The following CTNNA2 variants were observed in gnomAD, a reference collection of about 807,000 sequenced individuals.
CTNNA2 encodes the protein catenin alpha-2.
Under a neutral mutation model 101.0 loss-of-function variants are expected in CTNNA2, and 42 were observed. That is an observed-to-expected ratio of 0.42 (90% CI 0.32 to 0.54). The LOEUF is 0.54. Ranked by LOEUF, CTNNA2 falls within the 20% of genes least tolerant of loss-of-function variation. The pLI is 0.14. For missense variants in CTNNA2, 871 were observed against 1,223.1 expected (o/e 0.71, Z 4.29); for synonymous variants, 450 against 456.4 (o/e 0.99, Z 0.18).
intron 2 of CTNNA2, among the ~76,000 whole-genome samples, chr2:79,715,931 T>G (rs1686066450): frequency 6.6e-6 from 1 of 152,108 alleles, no homozygotes; most frequent in South Asian, 2.1e-4. Context: ...AACGTATCAA[T>G]GCTGACAAAG....
intron 6 of CTNNA2, 35 bp downstream of exon 6, chr2:79,874,377 C>T (rs780202692): frequency 5.1e-6 from 8 of 1,582,648 alleles, no homozygotes; most frequent in East Asian, 2.3e-5. Context: ...GAGGGGTGGG[C>T]ACTGGTGTTG....
chr2:79,953,305 T>A (rs1689010597), intron 7 of CTNNA2, among the ~76,000 whole-genome samples: 1 of 152,190 alleles, frequency 6.6e-6, no homozygotes, highest in Non-Finnish European at 1.5e-5. Context: ...TGCATAATTT[T>A]CACTCCAAAA....
intron 4 of CTNNA2, among the ~76,000 whole-genome samples, chr2:79,429,311 C>T (rs1018456077): frequency 6.6e-6 from 1 of 151,876 alleles, no homozygotes; most frequent in African/African-American, 2.4e-5. Flanking sequence ...CTATTGCAAA[C>T]AATTCCTTAA....
intron 2 of CTNNA2, among the ~76,000 whole-genome samples, chr2:79,214,331 A>G (rs1405499769): frequency 6.6e-6 from 1 of 152,152 alleles, no homozygotes; most frequent in East Asian, 1.9e-4. Flanking sequence ...AGCATGTTTG[A>G]GATCTAGAAC....
At chr2:79,999,873 T>C (rs188646687) in intron 7 of CTNNA2, among the ~76,000 whole-genome samples, 128 of 152,300 alleles carry the variant, frequency 8.4e-4, no homozygotes, top group Middle Eastern at 6.8e-3. Flanking sequence ...AGGACACTTT[T>C]AGTCACTTAC....
Position 79,740,206 on chromosome 2 carries a change from A to G in CTNNA2, c.103-4181A>G, listed in dbSNP as rs988344639. Among the ~76,000 whole-genome samples, 6 of 152,142 alleles carry G rather than the reference A, an allele frequency of 3.9e-5. No individual in the cohort carries two copies. In the South Asian group the frequency reaches 1.2e-3, roughly 32 times the overall value. On this transcript the variant is annotated intron_variant, in intron 2 of 18. Transcript: ENST00000402739. Reference sequence around the variant, plus strand: ...ATAGGCCCCAGTGTGTGTTGTTCCCATCTTTGTGTCCATGTGTCTGAATCA... The same window carrying G: ...ATAGGCCCCAGTGTGTGTTGTTCCCGTCTTTGTGTCCATGTGTCTGAATCA...
chr2:79,510,456 T>C (rs1671511682), upstream of CTNNA2, among the ~76,000 whole-genome samples: 1 of 152,246 alleles, frequency 6.6e-6, no homozygotes, highest in South Asian at 2.1e-4. Flanking sequence ...TTTAGACTGT[T>C]ATCAGAGGGA....
At chr2:79,280,656 T>TG (rs1337075035) in intron 2 of CTNNA2, among the ~76,000 whole-genome samples, 1 of 96,632 alleles carries the variant, frequency 1.0e-5, no homozygotes, top group African/African-American at 4.3e-5. Flanking sequence ...TGTGTGTGTG[T>TG]AAGAGAAAGA....
intron 9 of CTNNA2, among the ~76,000 whole-genome samples, chr2:80,470,626 C>T (rs952217535): frequency 6.6e-6 from 1 of 152,076 alleles, no homozygotes; most frequent in Admixed American, 6.6e-5. Flanking sequence ...CATTCATTTA[C>T]CAAACATTCA....
chr2:80,576,728 C>A (rs896206833), intron 13 of CTNNA2, among the ~76,000 whole-genome samples: 1 of 143,630 alleles, frequency 7.0e-6, no homozygotes, highest in Non-Finnish European at 1.5e-5. Flanking sequence ...GCAGGTGGAT[C>A]ACCTGAGGTC....
chr2:79,377,860 C>T lies in CTNNA2; in HGVS notation c.-135+3847C>T, dbSNP rs567131407. Among the ~76,000 whole-genome samples, 3 of 152,262 alleles carry T rather than the reference C, an allele frequency of 2.0e-5. No homozygotes were observed. The East Asian group carries it at 5.8e-4, about 29-fold the overall frequency. ...TGATGCAAACATGAAGCACCTGCTGCTTGTTCTGCCATGAGTAATACAGTC... is the reference window on the plus strand; with the variant it reads ...TGATGCAAACATGAAGCACCTGCTGTTTGTTCTGCCATGAGTAATACAGTC... On this transcript the variant is annotated intron_variant, in intron 4 of 21. Coordinates refer to the CTNNA2 transcript ENST00000466387.
At position 79,941,313 on chromosome 2, in the gene CTNNA2, A is replaced by T. The variant is rs1688144509; in HGVS notation, c.1056+31516A>T. 3.3e-5 allele frequency among the ~76,000 whole-genome samples: 5 copies of T among 152,152 alleles called. No individual in the cohort carries two copies. The South Asian group carries it at 8.3e-4, about 25-fold the overall frequency. Reference sequence around the variant, plus strand: ...GGCCTGTCCTTAACTCTACTATTTCAGGACAGATTGCATCAATCTGGACTC... The same window carrying T: ...GGCCTGTCCTTAACTCTACTATTTCTGGACAGATTGCATCAATCTGGACTC... On this transcript the variant is annotated intron_variant, in intron 7 of 18. Coordinates refer to ENST00000402739, the MANE Select transcript of CTNNA2 (RefSeq NM_001282597.3).
chr2:79,781,992 T>A (rs926172597), intron 3 of CTNNA2, among the ~76,000 whole-genome samples: 4 of 152,210 alleles, frequency 2.6e-5, no homozygotes, highest in African/African-American at 7.2e-5. Flanking sequence ...CTTTTCCTTT[T>A]ACACCTACTC....
chr2:80,097,022 G>T (rs1404888196), intron 7 of CTNNA2, among the ~76,000 whole-genome samples: 1 of 152,102 alleles, frequency 6.6e-6, no homozygotes, highest in East Asian at 1.9e-4. Context: ...GGTTAATATT[G>T]TTATGTGTGA....
At chr2:80,405,126 C>T (rs1487068246) in intron 8 of CTNNA2, among the ~76,000 whole-genome samples, 1 of 152,116 alleles carries the variant, frequency 6.6e-6, no homozygotes, top group African/African-American at 2.4e-5. Flanking sequence ...ATCATCTGAT[C>T]TATTACTCCT....
chr2:79,393,686 G>A (rs970234281), intron 4 of CTNNA2, among the ~76,000 whole-genome samples: 10 of 150,870 alleles, frequency 6.6e-5, no homozygotes, highest in Non-Finnish European at 1.3e-4. Flanking sequence ...ACAATGGGCT[G>A]GAGGTCACAA....
Position 80,162,980 on chromosome 2 carries a change from A to G in CTNNA2, c.1057-230231A>G, listed in dbSNP as rs1704427907. ...GCAAACTGACATCTTGCGAGGCATG[A>G]CTACTTCCTGATCTAAATTGAATTT... On this transcript the variant is annotated intron_variant, in intron 7 of 18. Coordinates refer to ENST00000402739, the MANE Select transcript of CTNNA2 (RefSeq NM_001282597.3). The G allele has an allele frequency of 2.6e-6, 4 of 1,545,858 alleles. No individual in the cohort carries two copies. The South Asian group carries it at 3.3e-5, about 13-fold the overall frequency.
At chr2:79,671,335 T>A (rs1427910985) in intron 2 of CTNNA2, among the ~76,000 whole-genome samples, 1 of 152,246 alleles carries the variant, frequency 6.6e-6, no homozygotes, top group Admixed American at 6.5e-5. Flanking sequence ...ATGGATGCTT[T>A]CATGCTAGTA....
chr2:80,223,583 A>G (rs1466482410), intron 7 of CTNNA2, among the ~76,000 whole-genome samples: 1 of 152,154 alleles, frequency 6.6e-6, no homozygotes, highest in Non-Finnish European at 1.5e-5. Flanking sequence ...CCTATTTCTT[A>G]CATATAAAAT....
Sources: allele counts gnomAD v4.1 joint callset (sites outside exome capture counted in the v4.1 genomes callset), GRCh38; gene constraint gnomAD v4.1.1; transcripts MANE v1.5; gene names NCBI Gene and HGNC (gene_info 2026-07-23, HGNC 2026-07-21).